The following MOB3C variants were observed in gnomAD, a reference collection of about 807,000 sequenced individuals.
MOB3C encodes the protein MOB1, Mps One Binder kinase activator-like 2C.
A neutral mutation model predicts 19.8 loss-of-function variants in MOB3C; 17 were observed. The ratio of observed to expected loss-of-function variants is 0.86; its 90% CI spans 0.59 to 1.29. The LOEUF is 1.29. Among genes scored for constraint, MOB3C ranks in the 50% most tolerant of loss-of-function variants. MOB3C has a pLI of 0.00. For synonymous variants in MOB3C, 101 were observed against 119.2 expected, an observed-to-expected ratio of 0.85 and a Z score of 0.99; for missense variants, 291 against 301.9, an observed-to-expected ratio of 0.96 and a Z score of 0.27.
At chr1:46,614,625 G>A (rs930142891) in intron 1 of MOB3C, 14 of 239,604 alleles carry the variant, frequency 5.8e-5, no homozygotes, top group Non-Finnish European at 8.0e-5. Context: ...CCTGACTCTA[G>A]CCTTTAGCCC....
At chr1:46,614,994 A>C in intron 1 of MOB3C, 1 of 1,612,268 alleles carries the variant, frequency 6.2e-7, no homozygotes, top group South Asian at 1.1e-5. Context: ...CATCTCATCC[A>C]TCCCGACTCT....
At position 46,610,179 on chromosome 1, in the gene MOB3C, C is replaced by T. The variant is rs2148802544; in HGVS notation, c.444G>A (p.Gln148=). The T allele has an allele frequency of 6.2e-7, 1 of 1,614,078 alleles. No individual in the cohort carries two copies. Among genetic ancestry groups the T allele is most frequent in the Non-Finnish European group, 8.5e-7 (1 of 1,180,004 alleles). The part of the protein sequence containing the change: ...RVGVPFPKNF[Q]QVCTKILTRL... Reference sequence around the variant, plus strand: ...GGGTCAGGATCTTGGTGCAGACCTGCTGGAAGTTCTTAGGGAAGGGAACTC... The same window carrying T: ...GGGTCAGGATCTTGGTGCAGACCTGTTGGAAGTTCTTAGGGAAGGGAACTC... The change falls in exon 3 of 4, where the codon CAG becomes CAA. Residue 148 remains glutamine (Q), a synonymous_variant. Transcript: ENST00000319928.
At position 46,611,187 on chromosome 1, in the gene MOB3C, G is replaced by C. The variant is rs2148802958; in HGVS notation, c.419-983C>G. Among the ~76,000 whole-genome samples, 1 of 152,278 alleles carries C rather than the reference G, an allele frequency of 6.6e-6. No homozygotes were observed. Among genetic ancestry groups the C allele is most frequent in the African/African-American group, 2.4e-5 (1 of 41,572 alleles). On this transcript the variant is annotated intron_variant, in intron 2 of 3. Coordinates refer to ENST00000319928, the MANE Select transcript of MOB3C (RefSeq NM_201403.3). The surrounding 1 kb of genome is among the most constrained non-coding windows in gnomAD (Gnocchi z 4.1). Reference sequence around the variant, plus strand: ...ATTTATGAGCAAGGCCTTGTGCTGGGCCCTTCACACCTTTTGCCTCTAATC... The same window carrying C: ...ATTTATGAGCAAGGCCTTGTGCTGGCCCCTTCACACCTTTTGCCTCTAATC...
chr1:46,611,806 C>T lies in MOB3C; in HGVS notation c.418+1098G>A, dbSNP rs906894685. 1.3e-5 allele frequency among the ~76,000 whole-genome samples: 2 copies of T among 152,204 alleles called. No homozygotes were observed. Among genetic ancestry groups the T allele is most frequent in the Admixed American group, 6.5e-5 (1 of 15,282 alleles). On this transcript the variant is annotated intron_variant, in intron 2 of 3. Transcript: ENST00000319928. The surrounding 1 kb of genome is among the most constrained non-coding windows in gnomAD (Gnocchi z 4.1). ...TATGTAAAATGAAGGTGCTCCTTGTCGGGCATGACAGTGCAAGAAACAGCA... is the reference window on the plus strand; with the variant it reads ...TATGTAAAATGAAGGTGCTCCTTGTTGGGCATGACAGTGCAAGAAACAGCA...
At chr1:46,610,532 T>C (rs1228656530) in intron 2 of MOB3C, among the ~76,000 whole-genome samples, 2 of 152,170 alleles carry the variant, frequency 1.3e-5, no homozygotes, top group African/African-American at 2.4e-5. Context: ...TACAGACATG[T>C]GCCATCATGC....
At chr1:46,612,670 AAAAGAAAG>A (rs1313174457) in intron 2 of MOB3C, among the ~76,000 whole-genome samples, 1 of 111,160 alleles carries the variant, frequency 9.0e-6, no homozygotes, top group Non-Finnish European at 2.0e-5. Flanking sequence ...AAAAAAAAAA[AAAAGAAAG>A]AAAGAAAGAA....
intron 1 of MOB3C, chr1:46,613,765 A>G (rs1675516337): frequency 5.6e-6 from 1 of 179,200 alleles, no homozygotes; most frequent in Non-Finnish European, 1.2e-5. Context: ...GCAACGTGGG[A>G]GAGCCTCGCA....
intron 2 of MOB3C, among the ~76,000 whole-genome samples, chr1:46,610,647 G>T (rs192370683): frequency 6.6e-6 from 1 of 152,268 alleles, no homozygotes; most frequent in East Asian, 1.9e-4. Context: ...CCTCCTAAAT[G>T]CTGGGATTAC....
At position 46,612,885 on chromosome 1, in the gene MOB3C, C is replaced by T; in HGVS notation, c.418+19G>A. 6.5e-7 allele frequency: 1 copy of T among 1,530,396 alleles called. No individual in the cohort carries two copies. Among genetic ancestry groups the T allele is most frequent in the Non-Finnish European group, 8.8e-7 (1 of 1,137,480 alleles). 94.8% of individuals were successfully genotyped at this position (1,530,396 alleles called of 1,614,324 possible). Reference sequence around the variant, plus strand: ...GGAATGGGCTCCCAGTGGCTCCCTCCCCGCCAGGTGACACTCACCAACACG... The same window carrying T: ...GGAATGGGCTCCCAGTGGCTCCCTCTCCGCCAGGTGACACTCACCAACACG... On this transcript the variant is annotated intron_variant, in intron 2 of 3. Transcript: ENST00000319928.
At chr1:46,614,887 G>T in intron 1 of MOB3C, 2 of 1,056,502 alleles carry the variant, frequency 1.9e-6, no homozygotes, top group South Asian at 1.4e-5. Context: ...AGGCCAGGAT[G>T]GGGGCAGTCT....
intron 3 of MOB3C, 146 bp from the exon 4 acceptor site, chr1:46,609,830 TA>T: frequency 7.6e-7 from 1 of 1,323,890 alleles, no homozygotes. Context: ...TCTGGGTTTG[TA>T]AACCAACACT....
At chr1:46,613,568 C>T in intron 1 of MOB3C, 197 bp from the exon 2 acceptor site, 1 of 592,498 alleles carries the variant, frequency 1.7e-6, no homozygotes, top group Admixed American at 3.1e-5. Flanking sequence ...CTTGCTAAGC[C>T]CCCACAGTCC....
Position 46,609,991 on chromosome 1 carries a change from C to T in MOB3C, c.621+11G>A, listed in dbSNP as rs765914369. ...GCCTTGGTAGGGGAGGGTGGTAGGG[C>T]TTGGCCTCACCAGTGGCTCCAGCTC... On this transcript the variant is annotated intron_variant, in intron 3 of 3. Transcript: ENST00000319928. The T allele has an allele frequency of 1.9e-6, 3 of 1,614,154 alleles. No individual in the cohort carries two copies. In the Admixed American group the frequency reaches 5.0e-5, roughly 27 times the overall value.
chr1:46,616,693 G>C lies in MOB3C; in HGVS notation c.-51+18C>G, dbSNP rs1382843914. 8.5e-5 allele frequency: 13 copies of C among 152,828 alleles called. No homozygotes were observed. Among genetic ancestry groups the C allele is most frequent in the Admixed American group, 8.5e-4 (13 of 15,300 alleles). The allele number at this position is 152,828 out of a possible 1,614,324, so 9.5% of individuals were successfully genotyped here. ...GCGGGGTGCGCGGCGAGGCCGCAGG[G>C]GCACGGCGCACACTCACGGGTCCTC... On this transcript the variant is annotated intron_variant, in intron 1 of 3. Coordinates refer to ENST00000319928, the MANE Select transcript of MOB3C (RefSeq NM_201403.3).
chr1:46,609,815 G>T, intron 3 of MOB3C, 131 bp from the exon 4 acceptor site: 1 of 1,349,906 alleles, frequency 7.4e-7, no homozygotes, highest in Non-Finnish European at 1.0e-6. Flanking sequence ...CTCTTAGGCT[G>T]CAGATCTGGG....
Position 46,610,008 on chromosome 1 carries a change from C to A in MOB3C, c.615G>T (p.Glu205Asp). The A allele has an allele frequency of 6.2e-7, 1 of 1,614,250 alleles. No homozygotes were observed. The highest frequency in any genetic ancestry group is 8.5e-7 in the Non-Finnish European group (1 of 1,180,052). The change falls in exon 3 of 4, where the codon GAG becomes GAT. Residue 205 changes from glutamate (E) to aspartate (D), a missense_variant. Coordinates refer to ENST00000319928, the MANE Select transcript of MOB3C (RefSeq NM_201403.3). ...EFSLVDQREL[E>D]PLREMTERIC... ...TGGTAGGGCTTGGCCTCACCAGTGGCTCCAGCTCCCGCTGGTCCACCAGAC... is the reference window on the plus strand; with the variant it reads ...TGGTAGGGCTTGGCCTCACCAGTGGATCCAGCTCCCGCTGGTCCACCAGAC...
chr1:46,609,398 C>A lies in MOB3C; in HGVS notation c.*257G>T. Reference sequence around the variant, plus strand: ...GTCATAGAAGAAACCCCCTAGCCTACCCTACTCCCAGACTTCATGCCAGAG... The same window carrying A: ...GTCATAGAAGAAACCCCCTAGCCTAACCTACTCCCAGACTTCATGCCAGAG... On this transcript the variant is annotated 3_prime_UTR_variant, in exon 4 of 4. Transcript: ENST00000319928. 1 of 579,608 alleles carries A rather than the reference C, an allele frequency of 1.7e-6. No individual in the cohort carries two copies. The highest frequency in any genetic ancestry group is 3.1e-6 in the Non-Finnish European group (1 of 323,300). The allele number at this position is 579,608 out of a possible 1,614,324, so 35.9% of individuals were successfully genotyped here.
intron 1 of MOB3C, chr1:46,615,678 G>T (rs1019893205): frequency 1.3e-5 from 2 of 152,320 alleles, no homozygotes; most frequent in African/African-American, 4.8e-5. Flanking sequence ...AAGCAGAACT[G>T]GGAACTGGGA....
At chr1:46,612,079 G>A (rs1675478567) in intron 2 of MOB3C, among the ~76,000 whole-genome samples, 1 of 152,140 alleles carries the variant, frequency 6.6e-6, no homozygotes, top group Non-Finnish European at 1.5e-5. Flanking sequence ...GCTGCCCTCG[G>A]GTGGGTAAGC....
Sources: gnomAD v4.1 joint callset for allele counts (sites outside exome capture counted in the v4.1 genomes callset) on GRCh38, gnomAD v4.1.1 for gene constraint, Gnocchi (gnomAD v3.1) non-coding constraint, MANE v1.5 for transcripts, NCBI Gene and HGNC (gene_info 2026-07-23, HGNC 2026-07-21) for gene names.